ABT1: variants seen among roughly 807,000 people sequenced by gnomAD.
The protein encoded by ABT1 is TATA-binding protein-binding protein.
In ABT1, 13 loss-of-function variants were observed where a neutral mutation model predicts 14.0. The observed-to-expected ratio is 0.93, with a 90% confidence interval of 0.61 to 1.48. ABT1 has a LOEUF of 1.48. Ranked by LOEUF, ABT1 falls within the 40% of genes most tolerant of loss-of-function variation. The pLI is 0.00. For synonymous variants in ABT1, 165 were observed against 144.6 expected (o/e 1.14, Z -1.01); for missense variants, 430 against 380.0 (o/e 1.13, Z -1.09).
At chr6:26,598,202 C>G in intron 2 of ABT1, 63 bp from the exon 3 acceptor site, 1 of 1,575,330 alleles carries the variant, frequency 6.3e-7, no homozygotes, top group Non-Finnish European at 8.7e-7. Flanking sequence ...TGGCCTTGTC[C>G]CCTTGTCTCA....
Position 26,596,961 on chromosome 6 carries a change from C to G in ABT1, c.-22C>G, listed in dbSNP as rs116818425. On this transcript the variant is annotated 5_prime_UTR_variant, in exon 1 of 3. Transcript: ENST00000274849. The stretch of plus-strand genomic sequence containing the variant: ...AGTTGGCAAGGCACTTTACGGCCGT[C>G]GTGCCGCTCGTGTCAGTCAACATGG... 422 of 1,601,444 alleles carry G rather than the reference C, an allele frequency of 2.6e-4. 1 individual carries two copies. In the African/African-American group the frequency reaches 4.6e-3, roughly 17 times the overall value.
In ABT1 at chr6:26,596,972, T is replaced by G. The variant is rs782151876; in HGVS notation, c.-11T>G. On this transcript the variant is annotated 5_prime_UTR_variant, in exon 1 of 3. Transcript: ENST00000274849. ...CACTTTACGGCCGTCGTGCCGCTCG[T>G]GTCAGTCAACATGGAGGCAGAGGAA... 184 of 1,607,090 alleles carry G rather than the reference T, an allele frequency of 1.1e-4. No individual in the cohort carries two copies. Among genetic ancestry groups the G allele is most frequent in the Non-Finnish European group, 1.5e-4 (176 of 1,177,368 alleles).
In ABT1 at chr6:26,597,906, GCGCGCAGACCGGTT is replaced by G; in HGVS notation, c.242-5_250del. 1 of 1,604,574 alleles carries G rather than the reference GCGCGCAGACCGGTT, an allele frequency of 6.2e-7. No homozygotes were observed. On this transcript the variant is annotated splice_acceptor_variant and splice_polypyrimidine_tract_variant and coding_sequence_variant and intron_variant, in exon 2 of 3. Coordinates refer to ENST00000274849, the MANE Select transcript of ABT1 (RefSeq NM_013375.4). LOFTEE classifies it high-confidence loss of function. ...CGTCCTGGACGGGTCTTTGTCTTTG[GCGCGCAGACCGGTT>G]CGTGAGACGCAAGAAGAAGGCAGCA...
rs146093493 is a variant in ABT1, at chr6:26,600,638, T to G, written c.*1993T>G. 1.7e-4 allele frequency: 26 copies of G among 152,372 alleles called. No individual in the cohort carries two copies. The highest frequency in any genetic ancestry group is 5.3e-4 in the African/African-American group (22 of 41,596). 9.4% of individuals were successfully genotyped at this position (152,372 alleles called of 1,614,324 possible). On this transcript the variant is annotated 3_prime_UTR_variant, in exon 3 of 3. Coordinates refer to ENST00000274849, the MANE Select transcript of ABT1 (RefSeq NM_013375.4). The stretch of plus-strand genomic sequence containing the variant: ...TAATTTTTTACATCCACAATTTTGT[T>G]TCTATTTAAACAGCACTTGTTTTTT...
rs1189786879 is a variant in ABT1 at position 26,599,716 on chromosome 6, G to A, written c.*1071G>A. 1 of 152,214 alleles carries A rather than the reference G, an allele frequency of 6.6e-6. No homozygotes were observed. Among genetic ancestry groups the A allele is most frequent in the Non-Finnish European group, 1.5e-5 (1 of 68,042 alleles). 9.4% of individuals were successfully genotyped at this position (152,214 alleles called of 1,614,324 possible). A position where few individuals can be genotyped will look rare whatever the true frequency, so the allele number is the denominator to read the frequency against. Reference sequence around the variant, plus strand: ...GTGCACCTCAGGTGCACTTACATATGGTGGGGCTGAGGCAAAGCAGCCCTG... The same window carrying A: ...GTGCACCTCAGGTGCACTTACATATAGTGGGGCTGAGGCAAAGCAGCCCTG... On this transcript the variant is annotated 3_prime_UTR_variant, in exon 3 of 3. Transcript: ENST00000274849.
rs1440061987 is a variant in ABT1 at position 26,599,240 on chromosome 6, C to T, written c.*595C>T. 1.3e-5 allele frequency: 2 copies of T among 152,110 alleles called. No homozygotes were observed. The highest frequency in any genetic ancestry group is 4.8e-5 in the African/African-American group (2 of 41,408). The allele number at this position is 152,110 out of a possible 1,614,324, so 9.4% of individuals were successfully genotyped here. On this transcript the variant is annotated 3_prime_UTR_variant, in exon 3 of 3. Coordinates refer to ENST00000274849, the MANE Select transcript of ABT1 (RefSeq NM_013375.4). ...ATCCTGATCTTAGAGCCCCCCTCCC[C>T]CTGCCACCCACCTTACTGTTTAACC...
In ABT1 at chr6:26,598,018, C is replaced by A; in HGVS notation, c.346C>A (p.Arg116Ser). The A allele has an allele frequency of 3.1e-6, 5 of 1,614,206 alleles. No individual in the cohort carries two copies. Among genetic ancestry groups the A allele is most frequent in the Non-Finnish European group, 4.2e-6 (5 of 1,180,044 alleles). Residue 116 changes from arginine to serine, a missense_variant, in exon 2 of 3, where the codon CGC (arginine) becomes AGC (serine). Physicochemically the swap from Arg to Ser is moderately radical, Grantham distance 110. Transcript: ENST00000274849. The part of the protein sequence containing the change: ...TEGWVEFRDK[R>S]IAKRVAASLH... ...GGGATGGGTGGAGTTCCGTGACAAG[C>A]GCATAGCCAAGCGCGTGGCGGCCAG...
In ABT1 at chr6:26,598,593, C is replaced by A. The variant is rs1196984828; in HGVS notation, c.767C>A (p.Ala256Asp). 3.8e-6 allele frequency: 6 copies of A among 1,598,486 alleles called. No homozygotes were observed. The South Asian group carries it at 4.4e-5, about 12-fold the overall frequency. Residue 256 changes from alanine to aspartate, a missense_variant, in exon 3 of 3, where the codon GCC becomes GAC. Ala to Asp is a moderately radical substitution (Grantham distance 126). Transcript: ENST00000274849. ...GGGCTCCTGGCCAGGATCTTTGGAG[C>A]CCCGCCACCCTCAGAGAGCATGGAG... ...NKGLLARIFGAPPPSESMEGP... is the reference protein window; with the variant it reads ...NKGLLARIFGDPPPSESMEGP...
chr6:26,597,133 G>A lies in ABT1; in HGVS notation c.151G>A (p.Gly51Ser), dbSNP rs782731559. 16 of 1,614,164 alleles carry A rather than the reference G, an allele frequency of 9.9e-6. No homozygotes were observed. Among genetic ancestry groups the A allele is most frequent in the Non-Finnish European group, 1.4e-5 (16 of 1,180,026 alleles). The change falls in exon 1 of 3, where the codon GGC becomes AGC. Residue 51 changes from glycine to serine, a missense_variant. Coordinates refer to ENST00000274849, the MANE Select transcript of ABT1 (RefSeq NM_013375.4). ...KRVVPGIVYL[G>S]HIPPRFRPLH... ...GGTAGTGCCAGGTATTGTGTACCTG[G>A]GCCATATCCCGCCGCGCTTCCGGCC...
In ABT1 at chr6:26,597,959, G is replaced by T; in HGVS notation, c.287G>T (p.Gly96Val). The T allele has an allele frequency of 6.2e-7, 1 of 1,613,562 alleles. No individual in the cohort carries two copies. The highest frequency in any genetic ancestry group is 1.1e-5 in the South Asian group (1 of 91,048). Residue 96 changes from glycine (G) to valine (V), a missense_variant, in exon 2 of 3, where the codon GGA becomes GTA. Gly to Val is a moderately radical substitution (Grantham distance 109, BLOSUM62 -3). Transcript: ENST00000274849. ...RKKKAAAAAG[G>V]KKRSYTKDYT... ...AAGAAGGCAGCAGCAGCTGCCGGAG[G>T]AAAAAAGCGGTCCTACACCAAGGAC...
At chr6:26,597,875 C>A (rs1222728251) in intron 1 of ABT1, 39 bp from the exon 2 acceptor site, 2 of 1,570,870 alleles carry the variant, frequency 1.3e-6, no homozygotes, top group Non-Finnish European at 1.7e-6. Context: ...GTGAGTGCTG[C>A]ATAGGCGTCC....
chr6:26,600,180 C>G lies in ABT1; in HGVS notation c.*1535C>G, dbSNP rs572183476. On this transcript the variant is annotated 3_prime_UTR_variant, in exon 3 of 3. Transcript: ENST00000274849. ...GTTTGTTTCATGTGAATTGTTTCCT[C>G]AGATCATTGATGTCTTAAAGTGAAA... 6.6e-6 allele frequency: 1 copy of G among 152,126 alleles called. No individual in the cohort carries two copies. The highest frequency in any genetic ancestry group is 2.4e-5 in the African/African-American group (1 of 41,408). 9.4% of individuals were successfully genotyped at this position (152,126 alleles called of 1,614,324 possible). A position where few individuals can be genotyped will look rare whatever the true frequency, so the allele number is the denominator to read the frequency against.
intron 1 of ABT1, 151 bp from the exon 2 acceptor site, chr6:26,597,763 G>C: frequency 4.3e-6 from 3 of 690,642 alleles, no homozygotes; most frequent in Non-Finnish European, 7.2e-6. Flanking sequence ...CTAGAGGAAA[G>C]GGTGCGATTT....
rs1054002270 is a variant in ABT1, at chr6:26,599,583, A to G, written c.*938A>G. On this transcript the variant is annotated 3_prime_UTR_variant, in exon 3 of 3. Coordinates refer to ENST00000274849, the MANE Select transcript of ABT1 (RefSeq NM_013375.4). Reference sequence around the variant, plus strand: ...TCCTACAAAGTAAACTGGGAGAATAATAAGTCTGAAAGAGTGTGGAGTGCT... The same window carrying G: ...TCCTACAAAGTAAACTGGGAGAATAGTAAGTCTGAAAGAGTGTGGAGTGCT... The G allele has an allele frequency of 6.6e-6, 1 of 152,214 alleles. No individual in the cohort carries two copies. Among genetic ancestry groups the G allele is most frequent in the African/African-American group, 2.4e-5 (1 of 41,434 alleles). The allele number at this position is 152,214 out of a possible 1,614,324, so 9.4% of individuals were successfully genotyped here. A position where few individuals can be genotyped will look rare whatever the true frequency, so the allele number is the denominator to read the frequency against.
rs782242254 is a variant in ABT1, at chr6:26,597,101, A to G, written c.119A>G (p.Lys40Arg). The G allele has an allele frequency of 6.2e-7, 1 of 1,614,078 alleles. No individual in the cohort carries two copies. The highest frequency in any genetic ancestry group is 8.5e-7 in the Non-Finnish European group (1 of 1,179,978). ...TCCGAAGAAGCGGCCTGTGGCAGCA[A>G]GAAACGGGTAGTGCCAGGTATTGTG... ...EESEEAACGS[K>R]KRVVPGIVYL... Residue 40 changes from lysine to arginine, a missense_variant, in exon 1 of 3, where the codon AAG (lysine) becomes AGG (arginine). Lys to Arg is a conservative substitution (Grantham distance 26, BLOSUM62 2). Coordinates refer to ENST00000274849, the MANE Select transcript of ABT1 (RefSeq NM_013375.4).
rs1445808433 is a variant in ABT1 at position 26,599,918 on chromosome 6, A to G, written c.*1273A>G. The G allele has an allele frequency of 2.0e-5, 3 of 152,198 alleles. No individual in the cohort carries two copies. Among genetic ancestry groups the G allele is most frequent in the African/African-American group, 7.2e-5 (3 of 41,442 alleles). 9.4% of individuals were successfully genotyped at this position (152,198 alleles called of 1,614,324 possible). A position where few individuals can be genotyped will look rare whatever the true frequency, so the allele number is the denominator to read the frequency against. On this transcript the variant is annotated 3_prime_UTR_variant, in exon 3 of 3. Transcript: ENST00000274849. ...CTTGTGCTGTTTGTTTTTGTTTTTC[A>G]TCTGTCAATGTGATGATCTGTGTTT...
At position 26,596,999 on chromosome 6, in the gene ABT1, C is replaced by T. The variant is rs782679594; in HGVS notation, c.17C>T (p.Ser6Leu). ...TCAGTCAACATGGAGGCAGAGGAAT[C>T]GGAGAAGGCCGCAACGGAGCAAGAG... Reference protein sequence around the residue: MEAEESEKAATEQEPL... With the variant: MEAEELEKAATEQEPL... Residue 6 changes from serine to leucine, a missense_variant, in exon 1 of 3, where the codon TCG becomes TTG. Coordinates refer to ENST00000274849, the MANE Select transcript of ABT1 (RefSeq NM_013375.4). 6.2e-7 allele frequency: 1 copy of T among 1,611,540 alleles called. No individual in the cohort carries two copies. The highest frequency in any genetic ancestry group is 1.1e-5 in the South Asian group (1 of 90,768).
In ABT1 at chr6:26,600,153, G is replaced by A. The variant is rs1466722343; in HGVS notation, c.*1508G>A. The stretch of plus-strand genomic sequence containing the variant: ...TCTTGTTTCTGTTTTTAATTCTTGT[G>A]GGTTTGTTTCATGTGAATTGTTTCC... On this transcript the variant is annotated 3_prime_UTR_variant, in exon 3 of 3. Transcript: ENST00000274849. The A allele has an allele frequency of 6.6e-6, 1 of 152,128 alleles. No homozygotes were observed. The highest frequency in any genetic ancestry group is 1.5e-5 in the Non-Finnish European group (1 of 68,028). 9.4% of individuals were successfully genotyped at this position (152,128 alleles called of 1,614,324 possible). A position where few individuals can be genotyped will look rare whatever the true frequency, so the allele number is the denominator to read the frequency against.
chr6:26,597,288 C>G (rs1291231117), intron 1 of ABT1, 65 bp downstream of exon 1: 1 of 1,579,430 alleles, frequency 6.3e-7, no homozygotes, highest in African/African-American at 1.3e-5. Context: ...TGCAAGCATG[C>G]ATGTCCTGTT....
Sources: allele counts gnomAD v4.1 joint callset, GRCh38; gene constraint gnomAD v4.1.1; transcripts MANE v1.5; gene names NCBI Gene and HGNC (gene_info 2026-07-23, HGNC 2026-07-21).